The following NDUFA3 variants were observed in gnomAD, a reference collection of about 807,000 sequenced individuals.
The protein encoded by NDUFA3 is NADH:ubiquinone oxidoreductase subunit A3.
Under a neutral mutation model 11.4 loss-of-function variants are expected in NDUFA3, and 10 were observed. The observed-to-expected ratio is 0.87, with a 90% confidence interval of 0.54 to 1.48. The LOEUF (loss-of-function observed/expected upper bound fraction) is 1.48. NDUFA3 is among the 40% of genes most tolerant of loss of function. The pLI is 0.00. For synonymous variants in NDUFA3, 39 were observed against 46.9 expected, an observed-to-expected ratio of 0.83 and a Z score of 0.68; for missense variants, 115 against 110.5, an observed-to-expected ratio of 1.04 and a Z score of -0.18.
chr19:54,106,909 C>G lies in NDUFA3; in HGVS notation c.*7C>G. 6.2e-7 allele frequency: 1 copy of G among 1,610,024 alleles called. No homozygotes were observed. Among genetic ancestry groups the G allele is most frequent in the African/African-American group, 1.3e-5 (1 of 74,720 alleles). On this transcript the variant is annotated 3_prime_UTR_variant, in exon 4 of 4. Coordinates refer to ENST00000485876, the MANE Select transcript of NDUFA3 (RefSeq NM_004542.4). The stretch of plus-strand genomic sequence containing the variant: ...GTGGCTGAAGAAACTGTGAGCACCT[C>G]CACTGACAGAGGCGGCCCCTCCCAC...
intron 2 of NDUFA3, 71 bp downstream of exon 2, chr19:54,103,259 C>G (rs587648585): frequency 6.9e-7 from 1 of 1,451,062 alleles, no homozygotes; most frequent in East Asian, 2.4e-5. Flanking sequence ...ATCTTGTACC[C>G]CTAAAGCCCT....
At chr19:54,105,849 A>G in intron 2 of NDUFA3, 85 bp from the exon 3 acceptor site, 1 of 1,219,396 alleles carries the variant, frequency 8.2e-7, no homozygotes, top group Non-Finnish European at 1.2e-6. Flanking sequence ...TGCGCACTTT[A>G]TCTTCCCTTT....
intron 2 of NDUFA3, among the ~76,000 whole-genome samples, chr19:54,103,936 C>T (rs1283386548): frequency 6.6e-6 from 1 of 151,498 alleles, no homozygotes; most frequent in Admixed American, 6.6e-5. Flanking sequence ...CGGGTTCACG[C>T]CATTCTCCTG....
rs1357766093 is a variant in NDUFA3 at position 54,102,904 on chromosome 19, G to T, written c.10+16G>T. 10 of 1,609,308 alleles carry T rather than the reference G, an allele frequency of 6.2e-6. No individual in the cohort carries two copies. Among genetic ancestry groups the T allele is most frequent in the Non-Finnish European group, 8.5e-6 (10 of 1,177,430 alleles). The stretch of plus-strand genomic sequence containing the variant: ...ATGGCTGCGAGTAAGTGCAGGTGCC[G>T]GTGGCGCACGGGGCTCGGGTAGTTC... On this transcript the variant is annotated intron_variant, in intron 1 of 3. Coordinates refer to ENST00000485876, the MANE Select transcript of NDUFA3 (RefSeq NM_004542.4).
Position 54,106,938 on chromosome 19 carries a change from TC to T in NDUFA3, c.*39del, listed in dbSNP as rs1456058491. 6.2e-7 allele frequency: 1 copy of T among 1,601,588 alleles called. No homozygotes were observed. The highest frequency in any genetic ancestry group is 1.1e-5 in the South Asian group (1 of 90,356). On this transcript the variant is annotated 3_prime_UTR_variant, in exon 4 of 4. Transcript: ENST00000485876. ...TGACAGAGGCGGCCCCTCCCACGGC[TC>T]CCAATAAAAATGTGAAAACCAACCC...
At chr19:54,104,247 C>A (rs1177784889) in intron 2 of NDUFA3, among the ~76,000 whole-genome samples, 1 of 150,062 alleles carries the variant, frequency 6.7e-6, no homozygotes, top group Non-Finnish European at 1.5e-5. Context: ...AAGTGATTCT[C>A]CTGCCTCCGC....
Position 54,105,970 on chromosome 19 carries a change from A to G in NDUFA3, c.122A>G (p.Tyr41Cys), listed in dbSNP as rs1221256643. 2.5e-6 allele frequency: 4 copies of G among 1,613,542 alleles called. No individual in the cohort carries two copies. Among genetic ancestry groups the G allele is most frequent in the Non-Finnish European group, 3.4e-6 (4 of 1,179,834 alleles). Reference sequence around the variant, plus strand: ...CCCCCATTGAGCCCCTACTTCAAGTACTCCGTCATGATCAACAAGGCCACG... The same window carrying G: ...CCCCCATTGAGCCCCTACTTCAAGTGCTCCGTCATGATCAACAAGGCCACG... ...ILPPLSPYFK[Y>C]SVMINKATPY... Residue 41 changes from tyrosine (Y) to cysteine (C), a missense_variant, in exon 3 of 4, where the codon TAC becomes TGC. By Grantham distance (194) the Tyr-to-Cys change is radical. Coordinates refer to ENST00000485876, the MANE Select transcript of NDUFA3 (RefSeq NM_004542.4).
At position 54,107,272 on chromosome 19, in the gene NDUFA3, A is replaced by G. The variant is rs1600288308; in HGVS notation, c.*370A>G. Reference sequence around the variant, plus strand: ...ATTTTGTTTTGCTTTTTAAAGAGACAGGGTCTCACTCTGTTGCCCAGGCTG... The same window carrying G: ...ATTTTGTTTTGCTTTTTAAAGAGACGGGGTCTCACTCTGTTGCCCAGGCTG... On this transcript the variant is annotated 3_prime_UTR_variant, in exon 4 of 4. Transcript: ENST00000485876. 6 of 1,490,760 alleles carry G rather than the reference A, an allele frequency of 4.0e-6. No homozygotes were observed. In the Middle Eastern group the frequency reaches 5.4e-4, roughly 133 times the overall value. 92.3% of individuals were successfully genotyped at this position (1,490,760 alleles called of 1,614,324 possible).
In NDUFA3 at chr19:54,106,882, G is replaced by GA; in HGVS notation, c.236dup (p.Trp80ValfsTer21). Reference sequence around the variant, plus strand: ...CCAGGACCCTCAGGGCCCCAGCCTGGAGTGGCTGAAGAAACTGTGAGCACC... The same window carrying GA: ...CCAGGACCCTCAGGGCCCCAGCCTGGAAGTGGCTGAAGAAACTGTGAGCACC... On this transcript the variant is annotated frameshift_variant, in exon 4 of 4. Transcript: ENST00000485876. LOFTEE classifies it high-confidence loss of function. 10 of 1,613,358 alleles carry GA rather than the reference G, an allele frequency of 6.2e-6. No homozygotes were observed. The highest frequency in any genetic ancestry group is 7.6e-6 in the Non-Finnish European group (9 of 1,179,826).
intron 2 of NDUFA3, among the ~76,000 whole-genome samples, chr19:54,103,602 C>T (rs1471257500): frequency 1.3e-5 from 2 of 152,120 alleles, no homozygotes; most frequent in African/African-American, 2.4e-5. Context: ...AAAATCTCTG[C>T]CCTCTGCCCT....
At chr19:54,106,622 A>G (rs370005514) in intron 3 of NDUFA3, 189 bp from the exon 4 acceptor site, 156 of 502,858 alleles carry the variant, frequency 3.1e-4, no homozygotes, top group African/African-American at 2.3e-3. Context: ...CTCCCTCGCT[A>G]TCTCTCTGGT....
At position 54,105,264 on chromosome 19, in the gene NDUFA3, C is replaced by CTTTTTTTTTTTTTTTTTTTT. The variant is rs796770972; in HGVS notation, c.86-668_86-649dup. The stretch of plus-strand genomic sequence containing the variant: ...ACCCTTTCTCCTCCAGTTTGTAAGG[C>CTTTTTTTTTTTTTTTTTTTT]TTTTTTTTTTTTTTTTTTTTTGGTG... On this transcript the variant is annotated intron_variant, in intron 2 of 3. Coordinates refer to ENST00000485876, the MANE Select transcript of NDUFA3 (RefSeq NM_004542.4). Among the ~76,000 whole-genome samples, 44 of 71,246 alleles carry CTTTTTTTTTTTTTTTTTTTT rather than the reference C, an allele frequency of 6.2e-4. 2 individuals are homozygous for CTTTTTTTTTTTTTTTTTTTT. The highest frequency in any genetic ancestry group is 1.2e-3 in the Admixed American group (6 of 4,970). 46.7% of individuals were successfully genotyped at this position (71,246 alleles called of 152,430 possible).
At position 54,106,869 on chromosome 19, in the gene NDUFA3, G is replaced by C; in HGVS notation, c.222G>C (p.Gln74His). The C allele has an allele frequency of 6.2e-7, 1 of 1,613,812 alleles. No homozygotes were observed. The highest frequency in any genetic ancestry group is 2.2e-5 in the East Asian group (1 of 44,876). ...TGCCCAGCCACCCCCAGGACCCTCA[G>C]GGCCCCAGCCTGGAGTGGCTGAAGA... ...PDVPSHPQDP[Q>H]GPSLEWLKKL The change falls in exon 4 of 4, where the codon CAG becomes CAC. Residue 74 changes from glutamine to histidine, a missense_variant. Physicochemically the swap from Gln to His is conservative, Grantham distance 24 (BLOSUM62 0). Transcript: ENST00000485876.
At chr19:54,106,781 G>A in intron 3 of NDUFA3, 30 bp from the exon 4 acceptor site, 3 of 1,577,466 alleles carry the variant, frequency 1.9e-6, no homozygotes, top group Admixed American at 1.8e-5. Flanking sequence ...GAGACGTGCT[G>A]GTCTCAGTGG....
chr19:54,103,303 C>A, intron 2 of NDUFA3, 115 bp downstream of exon 2: 1 of 1,055,372 alleles, frequency 9.5e-7, no homozygotes, highest in Non-Finnish European at 1.3e-6. Flanking sequence ...AGTGTGTCTG[C>A]ACCCCCACGG....
At chr19:54,106,370 C>T (rs1394579041) in intron 3 of NDUFA3, 5 of 370,722 alleles carry the variant, frequency 1.3e-5, no homozygotes, top group East Asian at 1.3e-4. Flanking sequence ...GGGGTTTCAC[C>T]GTGTTAGCCA....
chr19:54,105,997 C>G lies in NDUFA3; in HGVS notation c.149C>G (p.Pro50Arg), dbSNP rs764085573. Residue 50 changes from proline (P) to arginine (R), a missense_variant, in exon 3 of 4, where the codon CCC becomes CGC. Transcript: ENST00000485876. ...KYSVMINKATPYNYPVPVRDD... is the reference protein window; with the variant it reads ...KYSVMINKATRYNYPVPVRDD... The stretch of plus-strand genomic sequence containing the variant: ...TCCGTCATGATCAACAAGGCCACGC[C>G]CTACAACTACCCAGGTGAGTGGGGG... 3 of 1,613,396 alleles carry G rather than the reference C, an allele frequency of 1.9e-6. No homozygotes were observed.
At position 54,104,740 on chromosome 19, in the gene NDUFA3, T is replaced by TTG. The variant is rs1555785990; in HGVS notation, c.86-1194_86-1193insTG. On this transcript the variant is annotated intron_variant, in intron 2 of 3. Coordinates refer to ENST00000485876, the MANE Select transcript of NDUFA3 (RefSeq NM_004542.4). ...TGGATGTACTATGGTTTTTTTTGTTTGTTTGTTTTTGTTTTTTTGAGACGG... is the reference window on the plus strand; with the variant it reads ...TGGATGTACTATGGTTTTTTTTGTTTTGGTTTGTTTTTGTTTTTTTGAGACGG... 2.9e-3 allele frequency among the ~76,000 whole-genome samples: 444 copies of TTG among 150,682 alleles called. 3 individuals are homozygous for TTG. Among genetic ancestry groups the TTG allele is most frequent in the African/African-American group, 7.5e-3 (308 of 41,114 alleles).
At chr19:54,102,988 G>A in intron 1 of NDUFA3, 100 bp downstream of exon 1, 1 of 1,546,752 alleles carries the variant, frequency 6.5e-7, no homozygotes, top group Non-Finnish European at 8.8e-7. Flanking sequence ...GGAAGCGATG[G>A]GGTCCGTGCT....
Sources: allele counts gnomAD v4.1 joint callset (sites outside exome capture counted in the v4.1 genomes callset), GRCh38; gene constraint gnomAD v4.1.1; transcripts MANE v1.5; gene names NCBI Gene and HGNC (gene_info 2026-07-23, HGNC 2026-07-21).